Variants in CDC42BPA observed in about 807,000 individuals in gnomAD.
CDC42BPA encodes serine/threonine-protein kinase MRCK alpha.
Under a neutral mutation model 223.5 loss-of-function variants are expected in CDC42BPA, and 80 were observed. That is an observed-to-expected ratio of 0.36 (90% CI 0.30 to 0.43). The LOEUF (loss-of-function observed/expected upper bound fraction) is 0.43, where lower values mean the gene tolerates loss of function less well. Ranked by LOEUF, CDC42BPA falls within the 20% of genes least tolerant of loss-of-function variation. The pLI is 1.00. For synonymous variants in CDC42BPA, 694 were observed against 718.6 expected, an observed-to-expected ratio of 0.97 and a Z score of 0.55; for missense variants, 1,743 against 2,099.9, an observed-to-expected ratio of 0.83 and a Z score of 3.32.
At chr1:227,250,229 G>C (rs1397200781) in intron 2 of CDC42BPA, among the ~76,000 whole-genome samples, 1 of 152,094 alleles carries the variant, frequency 6.6e-6, no homozygotes, top group African/African-American at 2.4e-5. Flanking sequence ...GCTCACACCT[G>C]TTAATCCCAG....
At chr1:227,283,891 G>C (rs1688396267) in intron 1 of CDC42BPA, among the ~76,000 whole-genome samples, 1 of 152,042 alleles carries the variant, frequency 6.6e-6, no homozygotes, top group South Asian at 2.1e-4. Flanking sequence ...TGCCATGTTG[G>C]CCGGGATTTT....
Position 227,069,096 on chromosome 1 carries a change from A to C in CDC42BPA, c.2904+681T>G, listed in dbSNP as rs375874542. On this transcript the variant is annotated intron_variant, in intron 21 of 36. Coordinates refer to ENST00000366766, the MANE Select transcript of CDC42BPA (RefSeq NM_001394014.1). ...AGTTCTAGTGGGAAGGACTTTGTCT[A>C]TTTTGGTCACTACTATATCTCCAGC... The C allele has an allele frequency of 2.7e-4, 42 of 153,818 alleles. No homozygotes were observed. The East Asian group carries it at 4.6e-3, about 17-fold the overall frequency. The allele number at this position is 153,818 out of a possible 1,614,324, so 9.5% of individuals were successfully genotyped here. A position where few individuals can be genotyped will look rare whatever the true frequency, so the allele number is the denominator to read the frequency against.
At chr1:227,147,589 C>T (rs764083896) in intron 6 of CDC42BPA, 30 bp from the exon 7 acceptor site, 40 of 1,252,990 alleles carry the variant, frequency 3.2e-5, no homozygotes, top group Admixed American at 6.9e-5. Context: ...TATTAATCTC[C>T]TATATTAGAA....
At chr1:227,018,032 A>AATT (rs56236828) in intron 32 of CDC42BPA, among the ~76,000 whole-genome samples, 31,484 of 144,916 alleles carry the variant, frequency 0.22, 3,648 homozygotes, top group Middle Eastern at 0.26. Flanking sequence ...TTAAAAATAG[A>AATT]ATTATTATTA....
chr1:227,112,422 G>A lies in CDC42BPA; in HGVS notation c.1891C>T (p.Leu631=). The change falls in exon 14 of 37, where the codon CTG becomes TTG. Residue 631 remains leucine, a splice_region_variant and synonymous_variant. Transcript: ENST00000366766. ...GCTAGAGCTTCTGTATGAACTTCCAGCTTTAAAACAGAATGAAAAATGCAG... is the reference window on the plus strand; with the variant it reads ...GCTAGAGCTTCTGTATGAACTTCCAACTTTAAAACAGAATGAAAAATGCAG... ...LRRTERAKKE[L]EVHTEALAAE... The A allele has an allele frequency of 6.4e-7, 1 of 1,567,626 alleles. No homozygotes were observed. The highest frequency in any genetic ancestry group is 8.6e-7 in the Non-Finnish European group (1 of 1,157,948).
At chr1:227,196,338 C>CATTTT (rs1670683717) in intron 4 of CDC42BPA, among the ~76,000 whole-genome samples, 1 of 92,352 alleles carries the variant, frequency 1.1e-5, no homozygotes, top group Non-Finnish European at 1.9e-5. Flanking sequence ...TTAAACAATA[C>CATTTT]TTTTTTTTTT....
In CDC42BPA at chr1:227,140,826, G is replaced by A. The variant is rs180857314; in HGVS notation, c.1224-1084C>T. Among the ~76,000 whole-genome samples the A allele has an allele frequency of 2.9e-4, 44 of 152,302 alleles. 1 individual carries two copies. In the East Asian group the frequency reaches 7.5e-3, roughly 26 times the overall value. On this transcript the variant is annotated intron_variant, in intron 9 of 36. Coordinates refer to ENST00000366766, the MANE Select transcript of CDC42BPA (RefSeq NM_001394014.1). The stretch of plus-strand genomic sequence containing the variant: ...ACAGATTTTTAAGTAGACGAGAGGA[G>A]AGGTCTCAGTTGGAGATGCACGTTT...
chr1:227,283,747 A>G (rs1688370238), intron 1 of CDC42BPA, among the ~76,000 whole-genome samples: 1 of 152,174 alleles, frequency 6.6e-6, no homozygotes, highest in Admixed American at 6.5e-5. Flanking sequence ...ATAAATAAGC[A>G]TATGTACCCT....
At chr1:227,254,294 T>C (rs188240255) in intron 1 of CDC42BPA, 139 bp from the exon 2 acceptor site, 37 of 540,124 alleles carry the variant, frequency 6.9e-5, no homozygotes, top group Admixed American at 1.6e-4. Flanking sequence ...TCCCAAACTA[T>C]ATGAGAATAA....
At position 227,083,465 on chromosome 1, in the gene CDC42BPA, A is replaced by G. The variant is rs376112736; in HGVS notation, c.2356-2448T>C. On this transcript the variant is annotated intron_variant, in intron 16 of 36. Coordinates refer to ENST00000366766, the MANE Select transcript of CDC42BPA (RefSeq NM_001394014.1). ...ACTTTCTTGAACAAATCACACGATT[A>G]AAGTCCATTCATAAAAATTTCATAC... Among the ~76,000 whole-genome samples the G allele has an allele frequency of 3.3e-5, 5 of 152,312 alleles. No individual in the cohort carries two copies. The South Asian group carries it at 6.2e-4, about 19-fold the overall frequency.
At chr1:227,004,737 C>G in intron 35 of CDC42BPA, 1 of 537,524 alleles carries the variant, frequency 1.9e-6, no homozygotes, top group South Asian at 2.0e-5. Flanking sequence ...TCCTTCAGAG[C>G]CTTTATCATC....
intron 15 of CDC42BPA, 80 bp downstream of exon 15, chr1:227,100,912 T>C: frequency 2.2e-6 from 2 of 910,396 alleles, no homozygotes; most frequent in African/African-American, 3.3e-5. Context: ...GATATGTTTA[T>C]TGTCTATGTA....
chr1:227,090,132 A>G (rs754446644), intron 16 of CDC42BPA, among the ~76,000 whole-genome samples: 2 of 152,198 alleles, frequency 1.3e-5, no homozygotes, highest in Non-Finnish European at 2.9e-5. Flanking sequence ...CTTACTGTTC[A>G]GCCACTTCCT....
At chr1:227,086,152 G>C (rs1325159717) in intron 16 of CDC42BPA, among the ~76,000 whole-genome samples, 3 of 152,150 alleles carry the variant, frequency 2.0e-5, no homozygotes, top group Non-Finnish European at 4.4e-5. Context: ...ACTGTTGCAT[G>C]CATCAGAATT....
intron 15 of CDC42BPA, among the ~76,000 whole-genome samples, chr1:227,100,660 C>A (rs1280909124): frequency 6.6e-6 from 1 of 151,698 alleles, no homozygotes; most frequent in Non-Finnish European, 1.5e-5. Context: ...TGGGCTTGAA[C>A]TCCTGGGCTC....
intron 2 of CDC42BPA, among the ~76,000 whole-genome samples, chr1:227,222,575 G>A (rs1174454783): frequency 6.6e-6 from 1 of 152,190 alleles, no homozygotes; most frequent in Non-Finnish European, 1.5e-5. Flanking sequence ...CCCCGTTCCA[G>A]AGAGGGTCCT....
intron 11 of CDC42BPA, among the ~76,000 whole-genome samples, chr1:227,123,785 A>C (rs912013503): frequency 1.3e-5 from 2 of 152,086 alleles, no homozygotes; most frequent in African/African-American, 2.4e-5. Flanking sequence ...TCTAATTATA[A>C]TCAGTAAAAA....
intron 5 of CDC42BPA, among the ~76,000 whole-genome samples, chr1:227,181,940 A>G (rs778941673): frequency 4.6e-4 from 70 of 152,342 alleles, no homozygotes; most frequent in Non-Finnish European, 6.6e-4. Context: ...CACCCAGGAC[A>G]CTAGCATCCA....
At chr1:227,195,234 G>A (rs1307423345) in intron 4 of CDC42BPA, among the ~76,000 whole-genome samples, 1 of 151,980 alleles carries the variant, frequency 6.6e-6, no homozygotes, top group Non-Finnish European at 1.5e-5. Flanking sequence ...TTGCTCTGTC[G>A]CCAGGCTGGA....
Sources: allele counts gnomAD v4.1 joint callset (sites outside exome capture counted in the v4.1 genomes callset), GRCh38; gene constraint gnomAD v4.1.1; transcripts MANE v1.5; gene names NCBI Gene and HGNC (gene_info 2026-07-23, HGNC 2026-07-21).